The following RPA1 variants were observed in gnomAD, a reference collection of about 807,000 sequenced individuals.
RPA1 encodes replication protein A1.
In RPA1, 49 loss-of-function variants were observed where a neutral mutation model predicts 83.0. The observed-to-expected ratio is 0.59, with a 90% CI of 0.47 to 0.75. The LOEUF is 0.75. Ranked by LOEUF, RPA1 falls within the 30% of genes least tolerant of loss-of-function variation. The pLI, the probability that RPA1 is intolerant of heterozygous loss-of-function variation, is 0.00. For missense variants in RPA1, 693 were observed against 776.1 expected, an observed-to-expected ratio of 0.89 and a Z score of 1.27; for synonymous variants, 279 against 281.8, an observed-to-expected ratio of 0.99 and a Z score of 0.10.
intron 5 of RPA1, among the ~76,000 whole-genome samples, chr17:1,865,978 C>G (rs1009710368): frequency 7.2e-5 from 11 of 152,078 alleles, no homozygotes; most frequent in Non-Finnish European, 1.6e-4. Flanking sequence ...TGGTGGCCCC[C>G]GCCTGTAATC....
intron 1 of RPA1, among the ~76,000 whole-genome samples, chr17:1,831,113 A>G (rs1911553107): frequency 6.6e-6 from 1 of 152,044 alleles, no homozygotes; most frequent in Non-Finnish European, 1.5e-5. Context: ...GTTGCTCACA[A>G]ATTTCTTTGT....
At chr17:1,845,125 T>A (rs1259383509) in intron 4 of RPA1, among the ~76,000 whole-genome samples, 1 of 151,638 alleles carries the variant, frequency 6.6e-6, no homozygotes, top group African/African-American at 2.4e-5. Flanking sequence ...GTACTTTATT[T>A]TACAGCAGAA....
intron 5 of RPA1, among the ~76,000 whole-genome samples, chr17:1,866,876 TTC>T (rs1358039568): frequency 6.6e-6 from 1 of 152,254 alleles, no homozygotes; most frequent in East Asian, 1.9e-4. Context: ...TGTGCGGGTT[TTC>T]TCTGTTCCCT....
intron 4 of RPA1, among the ~76,000 whole-genome samples, chr17:1,847,976 C>G (rs945929124): frequency 6.6e-5 from 10 of 151,340 alleles, no homozygotes; most frequent in African/African-American, 2.4e-4. Context: ...TGAGCCGAGA[C>G]TCCAGCCTCG....
intron 12 of RPA1, among the ~76,000 whole-genome samples, chr17:1,882,840 G>A (rs951408451): frequency 5.3e-5 from 8 of 152,166 alleles, no homozygotes; most frequent in South Asian, 4.1e-4. Context: ...TACCCCAGAC[G>A]GCCACTTTAT....
chr17:1,872,420 CT>C lies in RPA1; in HGVS notation c.362-10del. 6.2e-7 allele frequency: 1 copy of C among 1,613,208 alleles called. No homozygotes were observed. On this transcript the variant is annotated splice_polypyrimidine_tract_variant and intron_variant, in intron 5 of 16. Transcript: ENST00000254719. Reference sequence around the variant, plus strand: ...TCCTTTGCACTAAAACGGGGTTTCCCTTTTGATCTTCAGGACTCGGGCAGCC... The same window carrying C: ...TCCTTTGCACTAAAACGGGGTTTCCCTTTGATCTTCAGGACTCGGGCAGCC...
rs17291986 is a variant in RPA1, at chr17:1,871,799, C to T, written c.362-635C>T. 3.9e-3 allele frequency among the ~76,000 whole-genome samples: 590 copies of T among 152,242 alleles called. 1 individual carries two copies. The highest frequency in any genetic ancestry group is 6.3e-3 in the Non-Finnish European group (427 of 68,020). On this transcript the variant is annotated intron_variant, in intron 5 of 16. Coordinates refer to ENST00000254719, the MANE Select transcript of RPA1 (RefSeq NM_002945.5). ...TTAATCTTCCTGTTTCCTTGACACA[C>T]CTGCTTCCGAACCCCATTGTCATCT...
At chr17:1,831,853 C>T (rs1911619680) in intron 1 of RPA1, among the ~76,000 whole-genome samples, 1 of 150,430 alleles carries the variant, frequency 6.6e-6, no homozygotes, top group African/African-American at 2.4e-5. Context: ...CCCGCCTCGG[C>T]CTCCCAAAGT....
chr17:1,874,676 G>A (rs1913511936), intron 6 of RPA1, among the ~76,000 whole-genome samples: 1 of 152,202 alleles, frequency 6.6e-6, no homozygotes, highest in African/African-American at 2.4e-5. Flanking sequence ...ATTCTACAAA[G>A]TACCTGTGTG....
chr17:1,871,846 C>G (rs1387800537), intron 5 of RPA1, among the ~76,000 whole-genome samples: 1 of 152,142 alleles, frequency 6.6e-6, no homozygotes, highest in Non-Finnish European at 1.5e-5. Flanking sequence ...GACAGTTCAC[C>G]AGCACTTCAT....
chr17:1,888,509 G>A (rs1211780288), intron 13 of RPA1, among the ~76,000 whole-genome samples, 166 bp from the exon 14 acceptor site: 3 of 152,212 alleles, frequency 2.0e-5, no homozygotes, highest in Non-Finnish European at 4.4e-5. Flanking sequence ...CTCGGCACAT[G>A]TGATTTCTAA....
chr17:1,891,759 T>G (rs1286934090), intron 14 of RPA1, 74 bp from the exon 15 acceptor site: 2 of 991,250 alleles, frequency 2.0e-6, no homozygotes, highest in Non-Finnish European at 3.0e-6. Context: ...AAAAGAACAT[T>G]AACCTCTCCC....
chr17:1,835,491 T>G (rs532138943), intron 1 of RPA1, among the ~76,000 whole-genome samples: 1 of 152,144 alleles, frequency 6.6e-6, no homozygotes, highest in East Asian at 1.9e-4. Context: ...TGTAAACAGC[T>G]GATTTCTTTG....
chr17:1,857,326 A>G (rs763498861), intron 5 of RPA1, among the ~76,000 whole-genome samples: 1 of 150,618 alleles, frequency 6.6e-6, no homozygotes, highest in African/African-American at 2.4e-5. Flanking sequence ...AAAAGGGTAC[A>G]TTACTTCGAT....
intron 4 of RPA1, among the ~76,000 whole-genome samples, chr17:1,852,878 C>T (rs1035307275): frequency 3.3e-5 from 5 of 152,120 alleles, no homozygotes; most frequent in African/African-American, 1.2e-4. Flanking sequence ...AGATACGGTG[C>T]GTAGCGAGAA....
In RPA1 at chr17:1,871,755, C is replaced by T. The variant is rs369809860; in HGVS notation, c.362-679C>T. On this transcript the variant is annotated intron_variant, in intron 5 of 16. Transcript: ENST00000254719. ...TCTTATTTTCTGCTTGAGACACGCT[C>T]ATTTCCCCCCCTTTACTTTTAATCT... Among the ~76,000 whole-genome samples the T allele has an allele frequency of 4.6e-5, 7 of 152,308 alleles. 1 individual carries two copies. The highest frequency in any genetic ancestry group is 1.7e-4 in the African/African-American group (7 of 41,570).
intron 5 of RPA1, among the ~76,000 whole-genome samples, chr17:1,859,768 C>CTT (rs910638916): frequency 1.3e-5 from 2 of 152,038 alleles, no homozygotes; most frequent in Non-Finnish European, 2.9e-5. Flanking sequence ...GTAGCTGGGA[C>CTT]TACAGGCATG....
intron 2 of RPA1, among the ~76,000 whole-genome samples, chr17:1,843,522 A>C (rs1367185900): frequency 6.6e-6 from 1 of 151,924 alleles, no homozygotes; most frequent in Non-Finnish European, 1.5e-5. Context: ...TAGCTCCTTC[A>C]GGACAAGGAT....
chr17:1,857,484 C>CCTCTTTAT (rs1235905591), intron 5 of RPA1, among the ~76,000 whole-genome samples: 1 of 151,452 alleles, frequency 6.6e-6, no homozygotes, highest in Non-Finnish European at 1.5e-5. Context: ...ACTAACTAGC[C>CCTCTTTAT]CTCTTTATCT....
Sources: allele counts gnomAD v4.1 joint callset (sites outside exome capture counted in the v4.1 genomes callset), GRCh38; gene constraint gnomAD v4.1.1; transcripts MANE v1.5; gene names NCBI Gene and HGNC (gene_info 2026-07-23, HGNC 2026-07-21).